The following TASP1 variants were observed in gnomAD, a reference collection of about 807,000 sequenced individuals.
TASP1 encodes the protein threonine aspartase 1.
TASP1 carries 16 observed loss-of-function variants against 56.6 expected under a neutral mutation model. That is an observed-to-expected ratio of 0.28 (90% CI 0.19 to 0.43). TASP1 has a LOEUF of 0.43. TASP1 is among the 20% of genes least tolerant of loss of function. The pLI is 1.00. For missense variants in TASP1, 393 were observed against 511.6 expected (o/e 0.77, Z 2.24); for synonymous variants, 179 against 184.2 (o/e 0.97, Z 0.23).
chr20:13,321,253 TAAAAAAA>T, the TASP1 span, among the ~76,000 whole-genome samples: 162 of 57,520 alleles, frequency 2.8e-3, 5 homozygotes, highest in Admixed American at 4.5e-3. Context: ...GTGCCCCACA[TAAAAAAA>T]AAAAAAAAAA....
Position 13,630,171 on chromosome 20 carries a change from A to C in TASP1, c.-74-19T>G. ...AATTACCCTAAAGGAAAACAGGCAA[A>C]GATGGTATACATTTCTTTCCACCAA... On this transcript the variant is annotated intron_variant, in intron 1 of 13. Transcript: ENST00000337743. 7.3e-7 allele frequency: 1 copy of C among 1,363,530 alleles called. No homozygotes were observed. Among genetic ancestry groups the C allele is most frequent in the Non-Finnish European group, 9.9e-7 (1 of 1,008,560 alleles). 84.5% of individuals were successfully genotyped at this position (1,363,530 alleles called of 1,614,324 possible).
chr20:13,148,111 C>T, the TASP1 span, among the ~76,000 whole-genome samples: 5 of 152,142 alleles, frequency 3.3e-5, no homozygotes, highest in African/African-American at 1.2e-4. Flanking sequence ...TTTCAGCCAT[C>T]TGTAATTCCT....
intron 4 of TASP1, among the ~76,000 whole-genome samples, chr20:13,600,940 C>T (rs1601402370): frequency 6.6e-6 from 1 of 152,138 alleles, no homozygotes; most frequent in East Asian, 1.9e-4. Flanking sequence ...ACCAGTATTC[C>T]TTGGAGAAAT....
intron 11 of TASP1, among the ~76,000 whole-genome samples, chr20:13,475,358 G>A (rs1265034010): frequency 1.5e-4 from 23 of 152,096 alleles, no homozygotes; most frequent in Admixed American, 1.5e-3. Context: ...ATGGTATTCT[G>A]TTGGTGGACA....
chr20:13,273,367 TG>T, the TASP1 span, among the ~76,000 whole-genome samples: 2 of 152,044 alleles, frequency 1.3e-5, no homozygotes, highest in African/African-American at 4.8e-5. Flanking sequence ...CCTGAGTAGC[TG>T]GGACTACAGG....
chr20:13,287,410 T>C, the TASP1 span, among the ~76,000 whole-genome samples: 1 of 152,160 alleles, frequency 6.6e-6, no homozygotes, highest in Non-Finnish European at 1.5e-5. Context: ...GGCCCCACTC[T>C]TGACACATAG....
At chr20:13,225,094 C>T in the TASP1 span, among the ~76,000 whole-genome samples, 4 of 151,282 alleles carry the variant, frequency 2.6e-5, no homozygotes, top group South Asian at 8.4e-4. Flanking sequence ...ACCTCATGAT[C>T]CGCCCGCCTT....
intron 10 of TASP1, among the ~76,000 whole-genome samples, chr20:13,484,501 G>A (rs1004114623): frequency 8.5e-5 from 13 of 152,100 alleles, no homozygotes; most frequent in Non-Finnish European, 8.8e-5. Context: ...TTGGGAGGCC[G>A]AGGTGGGTGG....
At chr20:13,438,320 G>A (rs1021795117) in intron 11 of TASP1, among the ~76,000 whole-genome samples, 5 of 152,194 alleles carry the variant, frequency 3.3e-5, no homozygotes, top group Admixed American at 3.3e-4. Flanking sequence ...TAGACCAATG[G>A]AACAGAACAG....
At chr20:13,249,768 A>T in the TASP1 span, among the ~76,000 whole-genome samples, 1 of 149,880 alleles carries the variant, frequency 6.7e-6, no homozygotes, top group Non-Finnish European at 1.5e-5. Context: ...AGCCTCCATC[A>T]TTTTTTGTTG....
At chr20:13,320,802 G>A in the TASP1 span, among the ~76,000 whole-genome samples, 1 of 152,062 alleles carries the variant, frequency 6.6e-6, no homozygotes, top group Non-Finnish European at 1.5e-5. Flanking sequence ...AAGAGGGAGT[G>A]GGAAAGGGCT....
chr20:13,421,953 C>CTTTTTTTTTTTTTT (rs1179688722), intron 12 of TASP1, among the ~76,000 whole-genome samples: 12 of 139,044 alleles, frequency 8.6e-5, no homozygotes, highest in East Asian at 2.0e-4. Flanking sequence ...TCTGTTTAAC[C>CTTTTTTTTTTTTTT]TTTTTTTTTT....
chr20:13,113,146 G>A, the TASP1 span, among the ~76,000 whole-genome samples: 4 of 152,236 alleles, frequency 2.6e-5, no homozygotes, highest in Admixed American at 2.6e-4. Context: ...TCATGCCACT[G>A]CACTCCAGCC....
the TASP1 span, among the ~76,000 whole-genome samples, chr20:13,362,235 G>A: frequency 3.3e-5 from 5 of 151,126 alleles, no homozygotes; most frequent in East Asian, 9.7e-4. Context: ...TAAGAAGGCA[G>A]GAATGTCAGG....
chr20:13,294,382 T>C, the TASP1 span, among the ~76,000 whole-genome samples: 2 of 152,066 alleles, frequency 1.3e-5, no homozygotes, highest in Non-Finnish European at 2.9e-5. Flanking sequence ...GACTGAAAAA[T>C]AGAAATGACT....
chr20:13,453,389 T>A (rs16994005), intron 11 of TASP1, among the ~76,000 whole-genome samples: 4,961 of 152,228 alleles, frequency 0.033, 133 homozygotes, highest in Non-Finnish European at 0.051. Flanking sequence ...AGCATGTTGA[T>A]GACACAATGG....
At chr20:13,187,616 C>T in the TASP1 span, among the ~76,000 whole-genome samples, 97 of 151,296 alleles carry the variant, frequency 6.4e-4, 1 homozygote, top group African/African-American at 1.3e-3. Context: ...GGCGTGGTAG[C>T]GCACACCTGT....
At chr20:13,382,869 A>C in the TASP1 span, among the ~76,000 whole-genome samples, 1 of 152,220 alleles carries the variant, frequency 6.6e-6, no homozygotes, top group Non-Finnish European at 1.5e-5. Context: ...TGACAGAAAA[A>C]TAAAGCAAAA....
At position 13,554,852 on chromosome 20, in the gene TASP1, CTCAA is replaced by C. The variant is rs2046102092; in HGVS notation, c.675+4152_675+4155del. ...TCTTTTGGCTGGTGAAGGGCCTTGC[CTCAA>C]TGTTGATGGCTGCTGACTAATCAGG... On this transcript the variant is annotated intron_variant, in intron 8 of 13. Coordinates refer to ENST00000337743, the MANE Select transcript of TASP1 (RefSeq NM_017714.3). Among the ~76,000 whole-genome samples the C allele has an allele frequency of 2.0e-5, 3 of 152,124 alleles. No homozygotes were observed. The South Asian group carries it at 6.2e-4, about 32-fold the overall frequency.
Sources: allele counts gnomAD v4.1 joint callset (sites outside exome capture counted in the v4.1 genomes callset), GRCh38; gene constraint gnomAD v4.1.1; transcripts MANE v1.5; gene names NCBI Gene and HGNC (gene_info 2026-07-23, HGNC 2026-07-21).